The following TNFSF4 variants were observed in gnomAD, a reference collection of about 807,000 sequenced individuals.
TNFSF4 encodes the protein tumor necrosis factor ligand superfamily member 4.
TNFSF4 carries 4 observed loss-of-function variants against 7.3 expected under a neutral mutation model. The observed-to-expected ratio is 0.55, with a 90% CI of 0.27 to 1.25. The LOEUF is 1.25. Ranked by LOEUF, TNFSF4 falls within the 50% of genes most tolerant of loss-of-function variation. TNFSF4 has a pLI of 0.12. For missense variants in TNFSF4, 181 were observed against 208.8 expected (o/e 0.87, Z 0.82); for synonymous variants, 76 against 83.7 (o/e 0.91, Z 0.50).
chr1:173,264,826 A>G, the TNFSF4 span, among the ~76,000 whole-genome samples: 1 of 152,150 alleles, frequency 6.6e-6, no homozygotes, highest in Non-Finnish European at 1.5e-5. Context: ...CTAAAATTCT[A>G]CTGTTCTTAA....
At chr1:173,366,053 T>C in the TNFSF4 span, among the ~76,000 whole-genome samples, 6 of 152,192 alleles carry the variant, frequency 3.9e-5, no homozygotes, top group Non-Finnish European at 7.4e-5. Flanking sequence ...AAAACCATTA[T>C]GGAAAACAAT....
chr1:173,286,916 G>A, the TNFSF4 span, among the ~76,000 whole-genome samples: 2 of 151,812 alleles, frequency 1.3e-5, no homozygotes, highest in African/African-American at 4.8e-5. Context: ...AAAATCCAAT[G>A]GACAAAAAAG....
chr1:173,296,416 G>A, the TNFSF4 span, among the ~76,000 whole-genome samples: 2 of 151,944 alleles, frequency 1.3e-5, no homozygotes, highest in Non-Finnish European at 2.9e-5. Flanking sequence ...TGCCTTCAAG[G>A]AGCTTACAAT....
the TNFSF4 span, chr1:173,363,624 A>G: frequency 2.4e-6 from 1 of 413,104 alleles, no homozygotes; most frequent in South Asian, 2.3e-5. Context: ...GGAAAGGCTT[A>G]TCGGATGGAT....
At chr1:173,307,702 T>C in the TNFSF4 span, among the ~76,000 whole-genome samples, 1 of 151,834 alleles carries the variant, frequency 6.6e-6, no homozygotes, top group African/African-American at 2.4e-5. Context: ...GATATACTAA[T>C]ATAAAACCCT....
the TNFSF4 span, among the ~76,000 whole-genome samples, chr1:173,364,679 C>A: frequency 1.3e-5 from 2 of 151,792 alleles, no homozygotes; most frequent in Non-Finnish European, 2.9e-5. Flanking sequence ...CTAATTATAT[C>A]ACTTTAAAGT....
the TNFSF4 span, among the ~76,000 whole-genome samples, chr1:173,311,647 T>C: frequency 6.6e-6 from 1 of 151,694 alleles, no homozygotes; most frequent in African/African-American, 2.4e-5. Context: ...CACACTGGGG[T>C]CGTAGGGTAA....
the TNFSF4 span, among the ~76,000 whole-genome samples, chr1:173,235,834 C>T: frequency 6.6e-6 from 1 of 152,184 alleles, no homozygotes; most frequent in South Asian, 2.1e-4. Context: ...AGTACCATGT[C>T]GTTCAGCAGA....
At chr1:173,352,845 G>A in the TNFSF4 span, among the ~76,000 whole-genome samples, 82 of 152,208 alleles carry the variant, frequency 5.4e-4, no homozygotes, top group South Asian at 4.4e-3. Context: ...TGCATAAGGC[G>A]GACACCCCTA....
At chr1:173,391,452 A>C in the TNFSF4 span, among the ~76,000 whole-genome samples, 3 of 136,166 alleles carry the variant, frequency 2.2e-5, no homozygotes, top group Non-Finnish European at 3.2e-5. Flanking sequence ...AAAAAAAAAA[A>C]AAAAAAAAAA....
the TNFSF4 span, among the ~76,000 whole-genome samples, chr1:173,256,816 T>C: frequency 1.3e-5 from 2 of 152,228 alleles, no homozygotes; most frequent in Non-Finnish European, 2.9e-5. Flanking sequence ...TCCTGCTCTA[T>C]CTTTAACCTC....
In TNFSF4 at chr1:173,184,080, T is replaced by C. The variant is rs1571178705; in HGVS notation, c.*2436A>G. 1.3e-5 allele frequency: 2 copies of C among 152,152 alleles called. No individual in the cohort carries two copies. Among genetic ancestry groups the C allele is most frequent in the African/African-American group, 4.8e-5 (2 of 41,430 alleles). The allele number at this position is 152,152 out of a possible 1,614,324, so 9.4% of individuals were successfully genotyped here. On this transcript the variant is annotated 3_prime_UTR_variant, in exon 3 of 3. Transcript: ENST00000281834. The stretch of plus-strand genomic sequence containing the variant: ...TCCTTGACTCATAGCAACAAGAACA[T>C]AGACATTTAATATGTGCATTCACAG...
chr1:173,382,940 C>T, the TNFSF4 span, among the ~76,000 whole-genome samples: 1 of 152,088 alleles, frequency 6.6e-6, no homozygotes, highest in Admixed American at 6.5e-5. Flanking sequence ...AAGTGAGCAG[C>T]TGAAATTTTG....
chr1:173,269,280 A>C, the TNFSF4 span, among the ~76,000 whole-genome samples: 1 of 152,162 alleles, frequency 6.6e-6, no homozygotes, highest in African/African-American at 2.4e-5. Context: ...ACCTGAAACC[A>C]CAGATAGTTT....
the TNFSF4 span, among the ~76,000 whole-genome samples, chr1:173,273,694 T>C: frequency 6.6e-6 from 1 of 152,080 alleles, no homozygotes; most frequent in South Asian, 2.1e-4. Flanking sequence ...AAGAAAATAT[T>C]CATAACTATG....
In TNFSF4 at chr1:173,207,172, T is replaced by C. The variant is rs1650232320; in HGVS notation, c.5A>G (p.Glu2Gly). 1 of 1,611,016 alleles carries C rather than the reference T, an allele frequency of 6.2e-7. No homozygotes were observed. The highest frequency in any genetic ancestry group is 8.5e-7 in the Non-Finnish European group (1 of 1,177,620). The change falls in exon 1 of 3, where the codon GAA (glutamate) becomes GGA (glycine). Residue 2 changes from glutamate to glycine, a missense_variant. Glu to Gly is a moderately conservative substitution (Grantham distance 98). Transcript: ENST00000281834. ...ATTCTCTTCCAGGGGTTGGACCCTTTCCATCTTCACAATCTGGGTAGAGGG... is the reference window on the plus strand; with the variant it reads ...ATTCTCTTCCAGGGGTTGGACCCTTCCCATCTTCACAATCTGGGTAGAGGG... M[E>G]RVQPLEENVG...
chr1:173,329,778 G>T, the TNFSF4 span, among the ~76,000 whole-genome samples: 1 of 151,508 alleles, frequency 6.6e-6, no homozygotes, highest in African/African-American at 2.4e-5. Context: ...GAAATTTCAA[G>T]AAGAAATATG....
chr1:173,238,573 C>A, the TNFSF4 span, among the ~76,000 whole-genome samples: 2 of 151,902 alleles, frequency 1.3e-5, no homozygotes, highest in East Asian at 1.9e-4. Flanking sequence ...AAAAACACTA[C>A]CCCTTTAAAA....
At chr1:173,326,099 T>C in the TNFSF4 span, among the ~76,000 whole-genome samples, 706 of 152,292 alleles carry the variant, frequency 4.6e-3, 4 homozygotes, top group African/African-American at 0.016. Context: ...TTGATGAACA[T>C]TGATGCAAAA....
Sources: allele counts gnomAD v4.1 joint callset (sites outside exome capture counted in the v4.1 genomes callset), GRCh38; gene constraint gnomAD v4.1.1; transcripts MANE v1.5; gene names NCBI Gene and HGNC (gene_info 2026-07-23, HGNC 2026-07-21).